Variants in SCNN1G observed in about 807,000 individuals in gnomAD.
The protein encoded by SCNN1G is epithelial sodium channel subunit gamma.
In SCNN1G, 27 loss-of-function variants were observed where a neutral mutation model predicts 64.6. That is an observed-to-expected ratio of 0.42 (90% CI 0.31 to 0.58). SCNN1G has a LOEUF of 0.58. Ranked by LOEUF, SCNN1G falls within the 20% of genes least tolerant of loss-of-function variation. The pLI, the probability that SCNN1G is intolerant of heterozygous loss-of-function variation, is 0.18. For missense variants in SCNN1G, 743 were observed against 823.4 expected, an observed-to-expected ratio of 0.90 and a Z score of 1.19; for synonymous variants, 330 against 314.2, an observed-to-expected ratio of 1.05 and a Z score of -0.53.
chr16:23,212,759 A>G lies in SCNN1G; in HGVS notation c.1373+3A>G. On this transcript the variant is annotated splice_donor_region_variant and intron_variant, in intron 9 of 12. Transcript: ENST00000300061. ...TCTGTGTGCAAGGAAGCCTGCAGGT[A>G]TGTGGACCCCAAGGGGTGAGACGGG... is the stretch of plus-strand genomic sequence containing the variant. The G allele has an allele frequency of 6.2e-7, 1 of 1,614,006 alleles. No individual in the cohort carries two copies. Among genetic ancestry groups the G allele is most frequent in the South Asian group, 1.1e-5 (1 of 91,076 alleles).
Position 23,216,613 on chromosome 16 carries a change from C to T in SCNN1G, c.*1144C>T, listed in dbSNP as rs2141947494. Reference sequence around the variant, plus strand: ...AGCAAATCCTGTTTTTGACCATGAACTAAGAATTTTATTTTATTTTATTTT... The same window carrying T: ...AGCAAATCCTGTTTTTGACCATGAATTAAGAATTTTATTTTATTTTATTTT... On this transcript the variant is annotated 3_prime_UTR_variant, in exon 13 of 13. Transcript: ENST00000300061. The T allele has an allele frequency of 6.6e-6, 1 of 152,186 alleles. No individual in the cohort carries two copies. The highest frequency in any genetic ancestry group is 1.9e-4 in the East Asian group (1 of 5,158). The allele number at this position is 152,186 out of a possible 1,614,324, so 9.4% of individuals were successfully genotyped here.
rs1386095034 is a variant in SCNN1G at position 23,215,754 on chromosome 16, G to C, written c.*285G>C. On this transcript the variant is annotated 3_prime_UTR_variant, in exon 13 of 13. Coordinates refer to ENST00000300061, the MANE Select transcript of SCNN1G (RefSeq NM_001039.4). ...GACTGGGAGCCGAGGCAGTGGTGCT[G>C]GCCCAAGTGAAGGCCAGAGTGAGGA... The C allele has an allele frequency of 7.8e-6, 4 of 511,462 alleles. No homozygotes were observed. Among genetic ancestry groups the C allele is most frequent in the African/African-American group, 5.8e-5 (3 of 51,952 alleles). The allele number at this position is 511,462 out of a possible 1,614,324, so 31.7% of individuals were successfully genotyped here. A position where few individuals can be genotyped will look rare whatever the true frequency, so the allele number is the denominator to read the frequency against.
At chr16:23,193,004 G>A (rs1959734429) in intron 4 of SCNN1G, among the ~76,000 whole-genome samples, 1 of 147,346 alleles carries the variant, frequency 6.8e-6, no homozygotes, top group African/African-American at 2.5e-5. Context: ...GGGAGGCGGA[G>A]GTTGCAATAA....
chr16:23,185,240 T>G (rs1388467014), intron 1 of SCNN1G, among the ~76,000 whole-genome samples: 1 of 152,214 alleles, frequency 6.6e-6, no homozygotes, highest in Non-Finnish European at 1.5e-5. Context: ...ATGGAATTAT[T>G]GAAACACAAA....
chr16:23,199,490 A>G (rs1324232882), intron 6 of SCNN1G, among the ~76,000 whole-genome samples: 1 of 152,090 alleles, frequency 6.6e-6, no homozygotes, highest in Non-Finnish European at 1.5e-5. Flanking sequence ...TCCCCCAATG[A>G]GGATATAGCA....
intron 7 of SCNN1G, among the ~76,000 whole-genome samples, chr16:23,211,666 G>T (rs1233405675): frequency 1.3e-5 from 2 of 151,976 alleles, no homozygotes; most frequent in Non-Finnish European, 2.9e-5. Context: ...AAAAAAATTA[G>T]CTGGGCATGG....
At chr16:23,190,987 G>A (rs1959699828) in intron 3 of SCNN1G, among the ~76,000 whole-genome samples, 1 of 151,792 alleles carries the variant, frequency 6.6e-6, no homozygotes, top group Admixed American at 6.6e-5. Flanking sequence ...GGGATTACAG[G>A]CATGCACCAC....
chr16:23,187,113 T>TTC (rs1157603030), intron 2 of SCNN1G, among the ~76,000 whole-genome samples: 1 of 149,330 alleles, frequency 6.7e-6, no homozygotes, highest in East Asian at 1.9e-4. Flanking sequence ...TTTCTTTTTT[T>TTC]TTTTTTTTTT....
At chr16:23,205,038 C>G (rs1193613667) in intron 6 of SCNN1G, among the ~76,000 whole-genome samples, 1 of 152,150 alleles carries the variant, frequency 6.6e-6, no homozygotes, top group Non-Finnish European at 1.5e-5. Context: ...GTCTCAAACT[C>G]CTGACCTCAA....
In SCNN1G at chr16:23,212,508, G is replaced by A. The variant is rs117524767; in HGVS notation, c.1295-170G>A. Among the ~76,000 whole-genome samples the A allele has an allele frequency of 2.9e-3, 449 of 152,352 alleles. 2 individuals are homozygous for A. Among genetic ancestry groups the A allele is most frequent in the Non-Finnish European group, 3.8e-3 (256 of 68,022 alleles). ...TCAACTCACATCCTCAACCGCCATTGCTTTCTGTTTCCCAACATCACAATG... is the reference window on the plus strand; with the variant it reads ...TCAACTCACATCCTCAACCGCCATTACTTTCTGTTTCCCAACATCACAATG... On this transcript the variant is annotated intron_variant, in intron 8 of 12. Transcript: ENST00000300061.
At chr16:23,200,108 A>C (rs979404418) in intron 6 of SCNN1G, among the ~76,000 whole-genome samples, 2 of 152,164 alleles carry the variant, frequency 1.3e-5, no homozygotes, top group Non-Finnish European at 2.9e-5. Flanking sequence ...TTTATCCTTC[A>C]CAAACATATC....
At chr16:23,202,397 T>G (rs1403995515) in intron 6 of SCNN1G, among the ~76,000 whole-genome samples, 2 of 151,826 alleles carry the variant, frequency 1.3e-5, no homozygotes, top group Non-Finnish European at 2.9e-5. Flanking sequence ...GGTAGGTGCA[T>G]GGATGGATGG....
intron 6 of SCNN1G, among the ~76,000 whole-genome samples, chr16:23,204,334 TAGAGAGAGAGAGAGAGAGAG>T (rs755322105): frequency 6.6e-5 from 1 of 15,176 alleles, no homozygotes; most frequent in African/African-American, 2.8e-4. Context: ...TATATATATA[TAGAGAGAGAGAGAGAGAGAG>T]AGAGAGAGAG....
At chr16:23,188,679 C>T (rs752085657) in intron 2 of SCNN1G, among the ~76,000 whole-genome samples, 6 of 152,066 alleles carry the variant, frequency 3.9e-5, no homozygotes, top group Non-Finnish European at 7.4e-5. Flanking sequence ...GTAGCCAGTA[C>T]CAGGATGGGG....
At position 23,215,724 on chromosome 16, in the gene SCNN1G, C is replaced by T; in HGVS notation, c.*255C>T. On this transcript the variant is annotated 3_prime_UTR_variant, in exon 13 of 13. Coordinates refer to ENST00000300061, the MANE Select transcript of SCNN1G (RefSeq NM_001039.4). ...CGGGACCTGAACTATTAGCACGTCA[C>T]TAGAGACTGGGAGCCGAGGCAGTGG... 1.8e-6 allele frequency: 1 copy of T among 567,516 alleles called. No individual in the cohort carries two copies. The allele number at this position is 567,516 out of a possible 1,614,324, so 35.2% of individuals were successfully genotyped here.
chr16:23,187,776 TG>T (rs1469171471), intron 2 of SCNN1G, among the ~76,000 whole-genome samples: 1 of 152,150 alleles, frequency 6.6e-6, no homozygotes, highest in Non-Finnish European at 1.5e-5. Flanking sequence ...CTGTTCTAAA[TG>T]GGTCATCAGA....
At position 23,186,600 on chromosome 16, in the gene SCNN1G, G is replaced by A. The variant is rs1300262900; in HGVS notation, c.317+12G>A. On this transcript the variant is annotated intron_variant, in intron 2 of 12. Coordinates refer to ENST00000300061, the MANE Select transcript of SCNN1G (RefSeq NM_001039.4). Reference sequence around the variant, plus strand: ...ATCAACCCCTACAAGTAAGAGGCATGAGCAGGGAAACGCGAGTAGGGAGCC... The same window carrying A: ...ATCAACCCCTACAAGTAAGAGGCATAAGCAGGGAAACGCGAGTAGGGAGCC... 1 of 1,609,396 alleles carries A rather than the reference G, an allele frequency of 6.2e-7. No homozygotes were observed. The highest frequency in any genetic ancestry group is 8.5e-7 in the Non-Finnish European group (1 of 1,179,192).
chr16:23,207,675 G>A (rs1242708714), intron 6 of SCNN1G, among the ~76,000 whole-genome samples: 1 of 152,158 alleles, frequency 6.6e-6, no homozygotes, highest in East Asian at 1.9e-4. Context: ...GGGAAAGAGG[G>A]GAGGCCAGAC....
intron 6 of SCNN1G, among the ~76,000 whole-genome samples, chr16:23,208,749 T>C (rs1274990007): frequency 1.3e-5 from 2 of 150,642 alleles, no homozygotes; most frequent in African/African-American, 2.4e-5. Flanking sequence ...TCTCTCTCTT[T>C]GTTTTCAAAA....
Sources: gnomAD v4.1 joint callset for allele counts (sites outside exome capture counted in the v4.1 genomes callset) on GRCh38, gnomAD v4.1.1 for gene constraint, MANE v1.5 for transcripts, NCBI Gene and HGNC (gene_info 2026-07-23, HGNC 2026-07-21) for gene names.